GRID1: variants seen among roughly 807,000 people sequenced by gnomAD.
GRID1 encodes the protein glutamate ionotropic receptor delta type subunit 1.
Under a neutral mutation model 98.0 loss-of-function variants are expected in GRID1, and 28 were observed. The observed-to-expected ratio is 0.29, with a 90% CI of 0.21 to 0.39. The LOEUF is 0.39. Ranked by LOEUF, GRID1 falls within the 10% of genes least tolerant of loss-of-function variation. GRID1 has a pLI of 1.00. For synonymous variants in GRID1, 553 were observed against 538.5 expected, an observed-to-expected ratio of 1.03 and a Z score of -0.37; for missense variants, 1,111 against 1,340.5, an observed-to-expected ratio of 0.83 and a Z score of 2.67.
intron 3 of GRID1, among the ~76,000 whole-genome samples, chr10:86,175,627 C>T (rs899727557): frequency 1.2e-4 from 18 of 152,214 alleles, no homozygotes; most frequent in African/African-American, 4.3e-4. Context: ...CACCAATGCA[C>T]CTCCAGTGCC....
chr10:85,914,396 A>G (rs1210301334), intron 5 of GRID1, among the ~76,000 whole-genome samples: 3 of 152,208 alleles, frequency 2.0e-5, no homozygotes, highest in Non-Finnish European at 4.4e-5. Context: ...TTTGGAACAA[A>G]GAAAACTGGA....
At chr10:86,235,467 T>C (rs1267714205) in intron 2 of GRID1, among the ~76,000 whole-genome samples, 1 of 152,232 alleles carries the variant, frequency 6.6e-6, no homozygotes, top group Non-Finnish European at 1.5e-5. Flanking sequence ...ATTTATACAA[T>C]TGTGCAACCA....
chr10:85,991,621 C>T (rs1215280063), intron 4 of GRID1, among the ~76,000 whole-genome samples: 3 of 152,080 alleles, frequency 2.0e-5, no homozygotes, highest in Non-Finnish European at 4.4e-5. Flanking sequence ...ATATCATAGA[C>T]CAAAGAAGCA....
rs144911155 is a variant in GRID1, at chr10:85,868,760, T to C, written c.951+250A>G. Reference sequence around the variant, plus strand: ...AAGAGACAGGAATCTCTTTACCCTCTATGCATGTGACTTTTAAATACCAGA... The same window carrying C: ...AAGAGACAGGAATCTCTTTACCCTCCATGCATGTGACTTTTAAATACCAGA... On this transcript the variant is annotated intron_variant, in intron 6 of 15. Coordinates refer to ENST00000327946, the MANE Select transcript of GRID1 (RefSeq NM_017551.3). Among the ~76,000 whole-genome samples, 169 of 152,312 alleles carry C rather than the reference T, an allele frequency of 1.1e-3. No individual in the cohort carries two copies. The Middle Eastern group carries it at 0.017, about 15-fold the overall frequency.
intron 8 of GRID1, among the ~76,000 whole-genome samples, chr10:85,840,794 T>C (rs1842954275): frequency 6.6e-6 from 1 of 151,778 alleles, no homozygotes; most frequent in African/African-American, 2.4e-5. Flanking sequence ...AAGTGAAAGA[T>C]CTCTACAAAG....
At chr10:86,337,723 T>C (rs1308627934) in intron 2 of GRID1, among the ~76,000 whole-genome samples, 1 of 141,420 alleles carries the variant, frequency 7.1e-6, no homozygotes, top group East Asian at 2.0e-4. Flanking sequence ...TTTTTTTTTT[T>C]TTGAGATGGA....
chr10:86,196,964 C>G (rs1265034353), intron 3 of GRID1, among the ~76,000 whole-genome samples: 1 of 152,078 alleles, frequency 6.6e-6, no homozygotes, highest in African/African-American at 2.4e-5. Flanking sequence ...TTCACTCATT[C>G]ACTCATCAAA....
intron 2 of GRID1, among the ~76,000 whole-genome samples, chr10:86,317,373 T>C (rs1372400406): frequency 2.0e-5 from 3 of 152,244 alleles, no homozygotes; most frequent in Admixed American, 2.0e-4. Context: ...GTGGGTGTTC[T>C]GTGGACCTGT....
At chr10:86,258,636 G>A (rs1393039642) in intron 2 of GRID1, among the ~76,000 whole-genome samples, 1 of 152,100 alleles carries the variant, frequency 6.6e-6, no homozygotes, top group Non-Finnish European at 1.5e-5. Flanking sequence ...TTCAAAAGAG[G>A]CCTCTGTCAC....
rs909097628 is a variant in GRID1, at chr10:85,703,684, G to T, written c.1997+19319C>A. Reference sequence around the variant, plus strand: ...GATTAAAAGAAAATGCTTAACTTCAGGTAGGAGGTAACTATAGTAATAATA... The same window carrying T: ...GATTAAAAGAAAATGCTTAACTTCATGTAGGAGGTAACTATAGTAATAATA... On this transcript the variant is annotated intron_variant, in intron 12 of 15. Transcript: ENST00000327946. Among the ~76,000 whole-genome samples the T allele has an allele frequency of 9.9e-5, 15 of 152,162 alleles. No homozygotes were observed. The South Asian group carries it at 1.2e-3, about 13-fold the overall frequency.
In GRID1 at chr10:85,769,430, G is replaced by A. The variant is rs554086286; in HGVS notation, c.1234-39816C>T. Among the ~76,000 whole-genome samples the A allele has an allele frequency of 7.8e-4, 119 of 152,332 alleles. 1 individual carries two copies. In the South Asian group the frequency reaches 0.023, roughly 29 times the overall value. On this transcript the variant is annotated intron_variant, in intron 8 of 15. Transcript: ENST00000327946. ...ACGGGTGATTTCTGCATTTCCATCT[G>A]GGGTACCGGGTTCATCTCACTAGGG...
intron 4 of GRID1, among the ~76,000 whole-genome samples, chr10:86,013,430 C>G (rs1190554931): frequency 2.0e-5 from 3 of 152,216 alleles, no homozygotes; most frequent in African/African-American, 7.2e-5. Flanking sequence ...TATAGATTGA[C>G]AGTGGATCAT....
intron 8 of GRID1, among the ~76,000 whole-genome samples, chr10:85,844,832 G>A (rs1442679025): frequency 1.1e-4 from 16 of 151,862 alleles, no homozygotes; most frequent in Admixed American, 1.0e-3. Flanking sequence ...ACAGGAAAGA[G>A]CAAGAATAAA....
intron 14 of GRID1, among the ~76,000 whole-genome samples, chr10:85,616,739 A>C (rs535658891): frequency 6.6e-6 from 1 of 152,330 alleles, no homozygotes; most frequent in East Asian, 1.9e-4. Flanking sequence ...ACTAATGCAC[A>C]CCATAATAAT....
chr10:85,685,360 G>T (rs1203780446), intron 12 of GRID1, among the ~76,000 whole-genome samples: 1 of 151,936 alleles, frequency 6.6e-6, no homozygotes, highest in African/African-American at 2.4e-5. Context: ...TCTAACACAA[G>T]GTGTCTATAT....
chr10:86,139,454 C>T (rs1844980538), intron 3 of GRID1, among the ~76,000 whole-genome samples: 1 of 152,180 alleles, frequency 6.6e-6, no homozygotes, highest in African/African-American at 2.4e-5. Flanking sequence ...AGCTGAGGCC[C>T]CTGACTGGAG....
chr10:86,077,688 C>T (rs1179594555), intron 4 of GRID1, among the ~76,000 whole-genome samples: 1 of 152,228 alleles, frequency 6.6e-6, no homozygotes, highest in Admixed American at 6.5e-5. Context: ...AATTTGACCA[C>T]TGTCCCCACC....
At chr10:85,763,319 G>A (rs974609090) in intron 8 of GRID1, among the ~76,000 whole-genome samples, 2 of 152,152 alleles carry the variant, frequency 1.3e-5, no homozygotes, top group Admixed American at 6.5e-5. Context: ...TTACGAGGAA[G>A]AGCAAGCAAT....
At chr10:86,286,239 T>C (rs915154149) in intron 2 of GRID1, among the ~76,000 whole-genome samples, 3 of 152,110 alleles carry the variant, frequency 2.0e-5, no homozygotes. Context: ...ACCACAACCC[T>C]ATAAAGGGAC....
Sources: gnomAD v4.1 joint callset for allele counts (sites outside exome capture counted in the v4.1 genomes callset) on GRCh38, gnomAD v4.1.1 for gene constraint, MANE v1.5 for transcripts, NCBI Gene and HGNC (gene_info 2026-07-23, HGNC 2026-07-21) for gene names.